DUSP29: variants seen among roughly 807,000 people sequenced by gnomAD.
The protein encoded by DUSP29 is dual specificity phosphatase 29.
A neutral mutation model predicts 13.5 loss-of-function variants in DUSP29; 12 were observed. The ratio of observed to expected loss-of-function variants is 0.89; its 90% CI spans 0.57 to 1.44. DUSP29 has a LOEUF of 1.44. Among genes scored for constraint, DUSP29 ranks in the 40% most tolerant of loss-of-function variants. The pLI, the probability that DUSP29 is intolerant of heterozygous loss-of-function variation, is 0.00. For missense variants in DUSP29, 308 were observed against 301.1 expected (o/e 1.02, Z -0.17); for synonymous variants, 134 against 128.7 (o/e 1.04, Z -0.28).
intron 1 of DUSP29, among the ~76,000 whole-genome samples, chr10:75,060,695 C>T (rs1847069995): frequency 6.6e-6 from 1 of 152,120 alleles, no homozygotes; most frequent in African/African-American, 2.4e-5. Flanking sequence ...TGATGAGTTG[C>T]TGCATCCAGA....
intron 2 of DUSP29, among the ~76,000 whole-genome samples, chr10:75,050,198 G>GA (rs1362720353): frequency 1.3e-5 from 2 of 151,914 alleles, no homozygotes; most frequent in African/African-American, 4.8e-5. Flanking sequence ...TGACTATAGG[G>GA]AAAAAAAGGA....
intron 2 of DUSP29, among the ~76,000 whole-genome samples, chr10:75,046,609 C>T (rs1362969220): frequency 6.6e-6 from 1 of 152,264 alleles, no homozygotes; most frequent in Non-Finnish European, 1.5e-5. Flanking sequence ...CATTTGCAGA[C>T]AGCCCATCAG....
At chr10:75,070,731 C>G (rs1349862951) in intron 1 of DUSP29, among the ~76,000 whole-genome samples, 1 of 152,154 alleles carries the variant, frequency 6.6e-6, no homozygotes, top group East Asian at 1.9e-4. Flanking sequence ...GAGCATTGTC[C>G]TGTGGGTGAC....
chr10:75,061,008 T>C (rs1056613733), intron 1 of DUSP29, among the ~76,000 whole-genome samples: 1 of 152,116 alleles, frequency 6.6e-6, no homozygotes, highest in Non-Finnish European at 1.5e-5. Context: ...GTGATGGTGA[T>C]TGGGGCTGGA....
At chr10:75,039,456 C>G (rs1033044811) in intron 3 of DUSP29, among the ~76,000 whole-genome samples, 10 of 152,256 alleles carry the variant, frequency 6.6e-5, no homozygotes, top group African/African-American at 1.2e-4. Context: ...TTAGAGGTTG[C>G]AGTGAGCTGA....
chr10:75,069,273 C>T (rs575603358), intron 1 of DUSP29, among the ~76,000 whole-genome samples: 20 of 152,240 alleles, frequency 1.3e-4, no homozygotes, highest in East Asian at 9.7e-4. Context: ...ACAAGGGAGC[C>T]GGCCGGGATG....
rs1847010394 is a variant in DUSP29, at chr10:75,058,339, C to T, written c.176G>A (p.Trp59Ter). Residue 59 changes from tryptophan to a stop codon, truncating the protein, a stop_gained, in exon 2 of 4, where the codon TGG (tryptophan) becomes TAG (stop). Transcript: ENST00000338487. LOFTEE classifies it high-confidence loss of function. ...CTCATCGCCAATGTAGAGCTTGGGC[C>T]AGACCTCGTTGACGTGGGTGTACTG... ...SPQYTHVNEV[W>*]PKLYIGDEAT... 4 of 1,613,916 alleles carry T rather than the reference C, an allele frequency of 2.5e-6. No homozygotes were observed. Among genetic ancestry groups the T allele is most frequent in the Non-Finnish European group, 3.4e-6 (4 of 1,180,002 alleles).
At chr10:75,044,042 T>A (rs1331871023) in intron 2 of DUSP29, 25 bp from the exon 3 acceptor site, 25 of 1,592,084 alleles carry the variant, frequency 1.6e-5, no homozygotes, top group Non-Finnish European at 1.8e-5. Context: ...GAGAAATCTG[T>A]GGGCGCGCGG....
chr10:75,039,506 A>G (rs1375344708), intron 3 of DUSP29, among the ~76,000 whole-genome samples: 4 of 152,142 alleles, frequency 2.6e-5, no homozygotes, highest in Non-Finnish European at 5.9e-5. Context: ...ACAGAGCAAG[A>G]CTGCATCTCA....
At chr10:75,042,602 G>A (rs1264294827) in intron 3 of DUSP29, among the ~76,000 whole-genome samples, 1 of 152,082 alleles carries the variant, frequency 6.6e-6, no homozygotes, top group Non-Finnish European at 1.5e-5. Context: ...TTTTTTCATT[G>A]TGACATTGCT....
intron 1 of DUSP29, among the ~76,000 whole-genome samples, chr10:75,070,631 G>A (rs551203493): frequency 7.9e-5 from 12 of 152,280 alleles, no homozygotes; most frequent in African/African-American, 1.7e-4. Flanking sequence ...GTTCCCAACC[G>A]AGAATAGGAA....
intron 1 of DUSP29, among the ~76,000 whole-genome samples, chr10:75,072,812 G>A (rs937773864): frequency 7.9e-5 from 12 of 152,004 alleles, no homozygotes; most frequent in African/African-American, 2.9e-4. Flanking sequence ...GCCCATGAAG[G>A]GACCCCTGGG....
intron 1 of DUSP29, among the ~76,000 whole-genome samples, chr10:75,072,551 T>C (rs943430843): frequency 6.6e-6 from 1 of 152,024 alleles, no homozygotes; most frequent in Non-Finnish European, 1.5e-5. Context: ...GTGTTGTTTA[T>C]TAATGTCAGA....
intron 1 of DUSP29, among the ~76,000 whole-genome samples, chr10:75,061,607 G>T (rs1847089770): frequency 6.6e-6 from 1 of 152,210 alleles, no homozygotes; most frequent in Non-Finnish European, 1.5e-5. Flanking sequence ...GATGTGGCTA[G>T]AGAGCCAGGG....
intron 1 of DUSP29, among the ~76,000 whole-genome samples, chr10:75,067,284 C>T (rs1322581883): frequency 3.9e-5 from 6 of 152,004 alleles, no homozygotes; most frequent in Admixed American, 2.0e-4. Flanking sequence ...TAAAAGAAAA[C>T]CAAACAGGTA....
chr10:75,066,963 T>TC (rs1346957965), intron 1 of DUSP29, among the ~76,000 whole-genome samples: 3 of 150,082 alleles, frequency 2.0e-5, no homozygotes, highest in Non-Finnish European at 3.0e-5. Context: ...TTTTTCTTTT[T>TC]TTTTTTTTCT....
intron 1 of DUSP29, among the ~76,000 whole-genome samples, chr10:75,063,874 A>G (rs1250930970): frequency 2.0e-5 from 3 of 152,166 alleles, no homozygotes; most frequent in Admixed American, 1.3e-4. Context: ...TTGTCAATTA[A>G]AAATAAAAAT....
At position 75,039,684 on chromosome 10, in the gene DUSP29, C is replaced by T. The variant is rs547271701; in HGVS notation, c.422-1607G>A. 5.3e-5 allele frequency among the ~76,000 whole-genome samples: 8 copies of T among 152,340 alleles called. No homozygotes were observed. In the East Asian group the frequency reaches 1.5e-3, roughly 29 times the overall value. ...GTGCTCCTTGCTAAGCAGACTCCTT[C>T]CTTGCTTTCAGGAGATGCTTTCTGC... On this transcript the variant is annotated intron_variant, in intron 3 of 3. Transcript: ENST00000338487.
At chr10:75,049,392 G>A (rs758135085) in intron 2 of DUSP29, among the ~76,000 whole-genome samples, 7 of 152,232 alleles carry the variant, frequency 4.6e-5, no homozygotes, top group African/African-American at 1.7e-4. Flanking sequence ...TGTCGTGTGA[G>A]TGATTGGACT....
Sources: gnomAD v4.1 joint callset for allele counts (sites outside exome capture counted in the v4.1 genomes callset) on GRCh38, gnomAD v4.1.1 for gene constraint, MANE v1.5 for transcripts, NCBI Gene and HGNC (gene_info 2026-07-23, HGNC 2026-07-21) for gene names.